The following RASGEF1C variants were observed in gnomAD, a reference collection of about 807,000 sequenced individuals.
The protein encoded by RASGEF1C is RasGEF domain family member 1C, also known as ras-GEF domain-containing family member 1C.
A neutral mutation model predicts 58.1 loss-of-function variants in RASGEF1C; 27 were observed. The observed-to-expected ratio is 0.46, with a 90% CI of 0.34 to 0.64. The LOEUF (loss-of-function observed/expected upper bound fraction) is 0.64. Among genes scored for constraint, RASGEF1C ranks in the 30% least tolerant of loss-of-function variants. The pLI, the probability that RASGEF1C is intolerant of heterozygous loss-of-function variation, is 0.01. For missense variants in RASGEF1C, 502 were observed against 605.1 expected, an observed-to-expected ratio of 0.83 and a Z score of 1.79; for synonymous variants, 243 against 246.3, an observed-to-expected ratio of 0.99 and a Z score of 0.13.
intron 1 of RASGEF1C, among the ~76,000 whole-genome samples, chr5:180,147,081 C>T (rs1766670659): frequency 6.6e-6 from 1 of 151,722 alleles, no homozygotes; most frequent in Non-Finnish European, 1.5e-5. Context: ...TTCAAATTTC[C>T]AATTTGTTGG....
intron 1 of RASGEF1C, among the ~76,000 whole-genome samples, chr5:180,193,335 G>A (rs111531999): frequency 0.096 from 14,661 of 152,086 alleles, 818 homozygotes; most frequent in Admixed American, 0.15. Context: ...GATTACAGGC[G>A]TGAGCCACCG....
At chr5:180,184,164 G>GAAAT (rs1420361373) in intron 1 of RASGEF1C, among the ~76,000 whole-genome samples, 2 of 146,580 alleles carry the variant, frequency 1.4e-5, no homozygotes, top group African/African-American at 2.5e-5. Context: ...ACTCCATCTT[G>GAAAT]AAATAAATAA....
chr5:180,149,663 C>G (rs1440307947), intron 1 of RASGEF1C, among the ~76,000 whole-genome samples: 2 of 152,050 alleles, frequency 1.3e-5, no homozygotes, highest in African/African-American at 4.8e-5. Context: ...ACCATGTTGG[C>G]CAGGATGGTC....
rs1011348431 is a variant in RASGEF1C, at chr5:180,197,959, A to G, written c.-7+11069T>C. Reference sequence around the variant, plus strand: ...CACGTAAAGCAGAAATTCCCCAATTAGGATGCTGGTGTGGGTCCGGAAGGC... The same window carrying G: ...CACGTAAAGCAGAAATTCCCCAATTGGGATGCTGGTGTGGGTCCGGAAGGC... On this transcript the variant is annotated intron_variant, in intron 1 of 13. Coordinates refer to ENST00000361132, the MANE Select transcript of RASGEF1C (RefSeq NM_175062.4). This position sits in a 1 kb window ranked among gnomAD's most constrained non-coding sequence, Gnocchi z 4.7. 3.4e-4 allele frequency among the ~76,000 whole-genome samples: 52 copies of G among 152,250 alleles called. No homozygotes were observed. Among genetic ancestry groups the G allele is most frequent in the Admixed American group, 3.4e-3 (52 of 15,284 alleles).
intron 1 of RASGEF1C, among the ~76,000 whole-genome samples, chr5:180,159,147 T>TA (rs2113299148): frequency 4.7e-5 from 1 of 21,214 alleles, no homozygotes; most frequent in African/African-American, 1.2e-4. Flanking sequence ...TTTTAATTAA[T>TA]TTTTTTTTTT....
chr5:180,195,689 G>A lies in RASGEF1C; in HGVS notation c.-7+13339C>T, dbSNP rs369776335. ...AGGCAGGAGAATGGCGTGAACCCGG[G>A]AGGCGGAGCTTGCAGTGAGCCGAGA... On this transcript the variant is annotated intron_variant, in intron 1 of 13. Coordinates refer to ENST00000361132, the MANE Select transcript of RASGEF1C (RefSeq NM_175062.4). 3.3e-5 allele frequency among the ~76,000 whole-genome samples: 5 copies of A among 151,402 alleles called. No homozygotes were observed. The South Asian group carries it at 1.0e-3, about 32-fold the overall frequency.
chr5:180,194,037 G>T (rs1263787948), intron 1 of RASGEF1C, among the ~76,000 whole-genome samples: 1 of 133,072 alleles, frequency 7.5e-6, no homozygotes, highest in African/African-American at 3.0e-5. Flanking sequence ...GTATGAAAAG[G>T]TTGAAAAAAA....
chr5:180,164,810 T>C (rs912729262), intron 1 of RASGEF1C, among the ~76,000 whole-genome samples: 2 of 152,242 alleles, frequency 1.3e-5, no homozygotes, highest in African/African-American at 4.8e-5. Flanking sequence ...TGGTTAATGA[T>C]ATTGTTCAGT....
At chr5:180,181,301 G>T (rs1767319647) in intron 1 of RASGEF1C, among the ~76,000 whole-genome samples, 1 of 152,180 alleles carries the variant, frequency 6.6e-6, no homozygotes, top group South Asian at 2.1e-4. Context: ...TGTAGTGTGG[G>T]GTTTATAAAT....
At chr5:180,208,531 T>G (rs369567849) in intron 1 of RASGEF1C, among the ~76,000 whole-genome samples, 1 of 152,176 alleles carries the variant, frequency 6.6e-6, no homozygotes, top group Admixed American at 6.5e-5. Context: ...GCAGGCCCTC[T>G]GATAGTGGCG....
chr5:180,167,977 G>C (rs549401289), intron 1 of RASGEF1C, among the ~76,000 whole-genome samples: 1 of 152,190 alleles, frequency 6.6e-6, no homozygotes, highest in Non-Finnish European at 1.5e-5. Flanking sequence ...ATTTAAATTC[G>C]TGTGCTACCT....
chr5:180,200,881 A>G (rs1010681277), intron 1 of RASGEF1C, among the ~76,000 whole-genome samples: 2 of 152,118 alleles, frequency 1.3e-5, no homozygotes, highest in Non-Finnish European at 2.9e-5. Flanking sequence ...GTGAGGGCTC[A>G]GGGAGAGGCA....
At position 180,197,738 on chromosome 5, in the gene RASGEF1C, C is replaced by T. The variant is rs1490971411; in HGVS notation, c.-7+11290G>A. 1.3e-5 allele frequency among the ~76,000 whole-genome samples: 2 copies of T among 152,192 alleles called. No individual in the cohort carries two copies. The highest frequency in any genetic ancestry group is 2.9e-5 in the Non-Finnish European group (2 of 68,026). ...CAATGGCACTGTGCAGGTGCTTAAA[C>T]CGTCACAGAGAGCAGTGGTCATTTT... On this transcript the variant is annotated intron_variant, in intron 1 of 13. Coordinates refer to ENST00000361132, the MANE Select transcript of RASGEF1C (RefSeq NM_175062.4). This position sits in a 1 kb window ranked among gnomAD's most constrained non-coding sequence, Gnocchi z 4.7.
intron 1 of RASGEF1C, among the ~76,000 whole-genome samples, chr5:180,191,426 A>G (rs567425018): frequency 1.3e-4 from 20 of 152,062 alleles, no homozygotes; most frequent in African/African-American, 2.4e-4. Flanking sequence ...GCGCGATCTC[A>G]GCTCACTGCA....
At chr5:180,208,855 G>A (rs1445199340) in intron 1 of RASGEF1C, among the ~76,000 whole-genome samples, 173 bp downstream of exon 1, 1 of 150,610 alleles carries the variant, frequency 6.6e-6, no homozygotes, top group Non-Finnish European at 1.5e-5. Flanking sequence ...CGCGCCTCCA[G>A]TCCCGGCGGC....
At chr5:180,182,909 C>T (rs1755932495) in intron 1 of RASGEF1C, among the ~76,000 whole-genome samples, 1 of 152,188 alleles carries the variant, frequency 6.6e-6, no homozygotes, top group African/African-American at 2.4e-5. Context: ...CCCTGGTGTA[C>T]ACACCCCATA....
At chr5:180,115,279 G>A (rs1263174848) in intron 10 of RASGEF1C, 8 of 434,680 alleles carry the variant, frequency 1.8e-5, no homozygotes, top group Non-Finnish European at 3.6e-5. Context: ...CTCCCAAGGT[G>A]GCCTCCTTTT....
chr5:180,105,406 C>T (rs1765858539), intron 12 of RASGEF1C, among the ~76,000 whole-genome samples: 2 of 151,536 alleles, frequency 1.3e-5, no homozygotes, highest in Non-Finnish European at 2.9e-5. Flanking sequence ...ACTAAAAATA[C>T]AAAAAATTAG....
intron 1 of RASGEF1C, among the ~76,000 whole-genome samples, chr5:180,203,608 G>C (rs76013700): frequency 0.12 from 17,672 of 152,288 alleles, 1,172 homozygotes; most frequent in East Asian, 0.21. Context: ...TTGATTCACA[G>C]AAATGATGAG....
Sources: allele counts gnomAD v4.1 joint callset (sites outside exome capture counted in the v4.1 genomes callset), GRCh38; gene constraint gnomAD v4.1.1; non-coding constraint Gnocchi (gnomAD v3.1); transcripts MANE v1.5; gene names NCBI Gene and HGNC (gene_info 2026-07-23, HGNC 2026-07-21).